PCYT1B: variants seen among roughly 807,000 people sequenced by gnomAD.
PCYT1B encodes phosphate cytidylyltransferase 1B, choline.
Under a neutral mutation model 26.4 loss-of-function variants are expected in PCYT1B, and 10 were observed. That is an observed-to-expected ratio of 0.38 (90% CI 0.23 to 0.64). The LOEUF (loss-of-function observed/expected upper bound fraction) is 0.64. PCYT1B is among the 30% of genes least tolerant of loss of function. PCYT1B has a pLI of 0.56. For missense variants in PCYT1B, 161 were observed against 292.7 expected, an observed-to-expected ratio of 0.55 and a Z score of 3.28; for synonymous variants, 131 against 108.4, an observed-to-expected ratio of 1.21 and a Z score of -1.29.
intron 1 of PCYT1B, among the ~76,000 whole-genome samples, chrX:24,628,081 T>C (rs1925936438): frequency 9.0e-6 from 1 of 111,721 alleles, no homozygotes; most frequent in Non-Finnish European, 1.9e-5. Flanking sequence ...AAGTCTGGTG[T>C]TTGGGAGAAA....
chrX:24,598,652 T>C (rs1924864739), intron 3 of PCYT1B, among the ~76,000 whole-genome samples: 1 of 112,160 alleles, frequency 8.9e-6, no homozygotes, highest in Non-Finnish European at 1.9e-5. Context: ...TTTATTGTCT[T>C]GTCTTGTTTA....
Position 24,559,329 on chromosome X carries a change from AAAAG to A in PCYT1B, c.*2960_*2963del, listed in dbSNP as rs1394060130. The A allele has an allele frequency of 9.2e-6, 1 of 108,674 alleles. No homozygotes were observed. The highest frequency in any genetic ancestry group is 3.3e-5 in the African/African-American group (1 of 29,931). The allele number at this position is 108,674 out of a possible 1,213,427, so 9.0% of individuals were successfully genotyped here. On this transcript the variant is annotated 3_prime_UTR_variant, in exon 8 of 8. Transcript: ENST00000379144. ...CAAAACTCCATCTCAAAAAAAAAAA[AAAAG>A]AAAGAAAGAAGAAAGAACAAAGAAG...
At chrX:24,629,932 G>A (rs1288691642) in intron 1 of PCYT1B, among the ~76,000 whole-genome samples, 7 of 111,197 alleles carry the variant, frequency 6.3e-5, no homozygotes, top group African/African-American at 2.0e-4. Flanking sequence ...AGAGTAGGAG[G>A]GATCTTACAA....
intron 7 of PCYT1B, among the ~76,000 whole-genome samples, chrX:24,574,240 A>G (rs6653703): frequency 1.3e-4 from 15 of 111,532 alleles, no homozygotes; most frequent in African/African-American, 4.9e-4. Flanking sequence ...TGTTTTTAGT[A>G]TCTCTTTCAT....
chrX:24,641,401 T>C (rs1319545866), intron 1 of PCYT1B, among the ~76,000 whole-genome samples: 2 of 112,626 alleles, frequency 1.8e-5, no homozygotes, highest in Non-Finnish European at 3.7e-5. Flanking sequence ...GTCTCTTAAC[T>C]GAAATAGAAT....
At chrX:24,641,832 T>C (rs1466377002) in intron 1 of PCYT1B, among the ~76,000 whole-genome samples, 1 of 112,458 alleles carries the variant, frequency 8.9e-6, no homozygotes, top group Non-Finnish European at 1.9e-5. Context: ...ATGCTGTATT[T>C]CTACTGGGCA....
chrX:24,592,170 A>G (rs1053397604), intron 3 of PCYT1B, among the ~76,000 whole-genome samples: 1 of 112,189 alleles, frequency 8.9e-6, no homozygotes, highest in African/African-American at 3.2e-5. Flanking sequence ...TTAGCTATGA[A>G]AAAGAATGAA....
At chrX:24,637,487 A>ATATATATATATATATATATATAT (rs1218518627) in intron 1 of PCYT1B, among the ~76,000 whole-genome samples, 20 of 56,147 alleles carry the variant, frequency 3.6e-4, no homozygotes, top group Non-Finnish European at 4.8e-4. Context: ...ACTAAAAAAA[A>ATATATATATATATATATATATAT]AAAAATATAT....
chrX:24,573,235 C>A (rs746374604), intron 7 of PCYT1B, among the ~76,000 whole-genome samples: 53 of 109,914 alleles, frequency 4.8e-4, no homozygotes, highest in African/African-American at 1.7e-3. Context: ...ATGATCTGGG[C>A]TCACTGCAAC....
chrX:24,598,209 T>G (rs1000606091), intron 3 of PCYT1B, among the ~76,000 whole-genome samples: 17 of 112,192 alleles, frequency 1.5e-4, no homozygotes, highest in Admixed American at 1.4e-3. Flanking sequence ...GTTAAAAACC[T>G]GTGTTATCAA....
Position 24,669,049 on chromosome X carries a change from T to G in PCYT1B, c.63+3521A>C, listed in dbSNP as rs751353946. 5.4e-5 allele frequency among the ~76,000 whole-genome samples: 6 copies of G among 111,986 alleles called. No homozygotes were observed. The East Asian group carries it at 1.7e-3, about 31-fold the overall frequency. ...GGACTTCAAATGAATGAGATTTTACTGTAAAATTTAAAATCCATATTACTT... is the reference window on the plus strand; with the variant it reads ...GGACTTCAAATGAATGAGATTTTACGGTAAAATTTAAAATCCATATTACTT... On this transcript the variant is annotated intron_variant, in intron 1 of 7. Transcript: ENST00000379145.
intron 1 of PCYT1B, among the ~76,000 whole-genome samples, chrX:24,672,134 C>T (rs992559055): frequency 1.8e-5 from 2 of 112,073 alleles, no homozygotes; most frequent in African/African-American, 6.5e-5. Context: ...TGCACTCCAG[C>T]CTGGGCAGCA....
intron 5 of PCYT1B, among the ~76,000 whole-genome samples, chrX:24,582,482 C>T (rs1924237841): frequency 8.9e-6 from 1 of 112,058 alleles, no homozygotes; most frequent in African/African-American, 3.2e-5. Context: ...TAAAAATATT[C>T]GGTAATGAGC....
intron 3 of PCYT1B, among the ~76,000 whole-genome samples, chrX:24,606,419 G>A (rs1925137075): frequency 8.9e-6 from 1 of 112,020 alleles, no homozygotes; most frequent in Non-Finnish European, 1.9e-5. Flanking sequence ...GCAAGGGTTG[G>A]GTTCTCTGCC....
intron 3 of PCYT1B, among the ~76,000 whole-genome samples, chrX:24,598,079 G>T (rs1217981910): frequency 9.0e-6 from 1 of 111,677 alleles, no homozygotes; most frequent in Non-Finnish European, 1.9e-5. Context: ...CTGCTTCTTA[G>T]AAATGTGACT....
At chrX:24,580,109 G>C (rs1389640810) in intron 5 of PCYT1B, among the ~76,000 whole-genome samples, 1 of 112,251 alleles carries the variant, frequency 8.9e-6, no homozygotes, top group Non-Finnish European at 1.9e-5. Flanking sequence ...CAAGATCAAG[G>C]CTGCTGTGAG....
At chrX:24,648,170 C>A (rs977920123), upstream of PCYT1B, among the ~76,000 whole-genome samples, 3 of 111,690 alleles carry the variant, frequency 2.7e-5, no homozygotes, top group African/African-American at 9.8e-5. Context: ...GCTTTAATGT[C>A]TACATTATCT....
intron 1 of PCYT1B, among the ~76,000 whole-genome samples, chrX:24,621,622 A>G (rs996788985): frequency 7.2e-5 from 8 of 111,054 alleles, no homozygotes; most frequent in African/African-American, 2.3e-4. Flanking sequence ...GACTACAGGT[A>G]TGAACCACCA....
At chrX:24,662,781 G>C (rs1053005360) in intron 1 of PCYT1B, among the ~76,000 whole-genome samples, 1 of 112,127 alleles carries the variant, frequency 8.9e-6, no homozygotes, top group Non-Finnish European at 1.9e-5. Context: ...CTCAGCAATG[G>C]GAGTCGAGGT....
Sources: gnomAD v4.1 joint callset for allele counts (sites outside exome capture counted in the v4.1 genomes callset) on GRCh38, gnomAD v4.1.1 for gene constraint, MANE v1.5 for transcripts, NCBI Gene and HGNC (gene_info 2026-07-23, HGNC 2026-07-21) for gene names.